AGPAT4: variants seen among roughly 807,000 people sequenced by gnomAD.
AGPAT4 encodes the protein 1-acylglycerol-3-phosphate O-acyltransferase 4.
AGPAT4 carries 15 observed loss-of-function variants against 48.0 expected under a neutral mutation model. The observed-to-expected ratio is 0.31, with a 90% CI of 0.21 to 0.48. AGPAT4 has a LOEUF of 0.48. Among genes scored for constraint, AGPAT4 ranks in the 20% least tolerant of loss-of-function variants. The probability of loss-of-function intolerance (pLI) is 0.99; values close to 1 mark genes in which losing one functional copy is unlikely to be tolerated. For missense variants in AGPAT4, 314 were observed against 482.5 expected, an observed-to-expected ratio of 0.65 and a Z score of 3.27; for synonymous variants, 178 against 198.7, an observed-to-expected ratio of 0.90 and a Z score of 0.88.
At position 161,148,090 on chromosome 6, in the gene AGPAT4, C is replaced by G. The variant is rs1197928770; in HGVS notation, c.767+1097G>C. ...CACATCTTGGGGTTTTCCCAAATAACTGAGCCCAGCTGGCCATTGAGTGGA... is the reference window on the plus strand; with the variant it reads ...CACATCTTGGGGTTTTCCCAAATAAGTGAGCCCAGCTGGCCATTGAGTGGA... On this transcript the variant is annotated intron_variant, in intron 6 of 8. Coordinates refer to ENST00000320285, the MANE Select transcript of AGPAT4 (RefSeq NM_020133.3). This position sits in a 1 kb window ranked among gnomAD's most constrained non-coding sequence, Gnocchi z 5.5. 3.9e-5 allele frequency among the ~76,000 whole-genome samples: 6 copies of G among 152,196 alleles called. No individual in the cohort carries two copies. The highest frequency in any genetic ancestry group is 6.5e-5 in the Admixed American group (1 of 15,286).
Position 161,184,213 on chromosome 6 carries a change from C to A in AGPAT4, c.179-17796G>T, listed in dbSNP as rs1194206437. Among the ~76,000 whole-genome samples, 1 of 151,372 alleles carries A rather than the reference C, an allele frequency of 6.6e-6. No individual in the cohort carries two copies. Among genetic ancestry groups the A allele is most frequent in the Non-Finnish European group, 1.5e-5 (1 of 67,890 alleles). On this transcript the variant is annotated intron_variant, in intron 2 of 8. Coordinates refer to ENST00000320285, the MANE Select transcript of AGPAT4 (RefSeq NM_020133.3). The surrounding 1 kb of genome is among the most constrained non-coding windows in gnomAD (Gnocchi z 4.8). ...TGTTGAAGCAGGCTACTGCAGTCAG[C>A]CCAACAGGGGTGGTGGGCTCGGTGG... is the stretch of plus-strand genomic sequence containing the variant.
Position 161,261,586 on chromosome 6 carries a change from G to A in AGPAT4, c.-90+12352C>T, listed in dbSNP as rs1294030902. Reference sequence around the variant, plus strand: ...AGCTGCTACCCTGAGACCGGGTAAGGCATCATCATTAACAAAGCCAACGGA... The same window carrying A: ...AGCTGCTACCCTGAGACCGGGTAAGACATCATCATTAACAAAGCCAACGGA... On this transcript the variant is annotated intron_variant, in intron 1 of 8. Coordinates refer to ENST00000320285, the MANE Select transcript of AGPAT4 (RefSeq NM_020133.3). This position sits in a 1 kb window ranked among gnomAD's most constrained non-coding sequence, Gnocchi z 5.3. 1.3e-5 allele frequency among the ~76,000 whole-genome samples: 2 copies of A among 152,188 alleles called. No individual in the cohort carries two copies. The highest frequency in any genetic ancestry group is 4.8e-5 in the African/African-American group (2 of 41,440).
At chr6:161,145,943 A>ACTC (rs1291569814) in intron 7 of AGPAT4, among the ~76,000 whole-genome samples, 1 of 151,636 alleles carries the variant, frequency 6.6e-6, no homozygotes, top group African/African-American at 2.4e-5. Flanking sequence ...TAGTTATGAG[A>ACTC]CTCCCTTCCT....
In AGPAT4 at chr6:161,259,997, G is replaced by T. The variant is rs1470683815; in HGVS notation, c.-90+13941C>A. On this transcript the variant is annotated intron_variant, in intron 1 of 8. Coordinates refer to ENST00000320285, the MANE Select transcript of AGPAT4 (RefSeq NM_020133.3). The surrounding 1 kb of genome is among the most constrained non-coding windows in gnomAD (Gnocchi z 4.9). Reference sequence around the variant, plus strand: ...TTCACCTGGCGCTATACGTGTTTGGGGCTGGGGAGTCTCTGGAAGTGAACT... The same window carrying T: ...TTCACCTGGCGCTATACGTGTTTGGTGCTGGGGAGTCTCTGGAAGTGAACT... Among the ~76,000 whole-genome samples the T allele has an allele frequency of 6.6e-6, 1 of 152,084 alleles. No individual in the cohort carries two copies.
chr6:161,273,987 A>G lies in AGPAT4; in HGVS notation c.-139T>C, dbSNP rs1222944692. ...ATGGACTTAGAAACCAGAAGCTGAG[A>G]TGGAGCCGGCTGGGTTCAGAAATTG... On this transcript the variant is annotated 5_prime_UTR_variant, in exon 1 of 9. Transcript: ENST00000320285. The G allele has an allele frequency of 6.6e-6, 1 of 151,914 alleles. No individual in the cohort carries two copies. The highest frequency in any genetic ancestry group is 6.6e-5 in the Admixed American group (1 of 15,238). 9.4% of individuals were successfully genotyped at this position (151,914 alleles called of 1,614,324 possible). A position where few individuals can be genotyped will look rare whatever the true frequency, so the allele number is the denominator to read the frequency against.
In AGPAT4 at chr6:161,232,479, G is replaced by A. The variant is rs1381468870; in HGVS notation, c.-89-177C>T. Among the ~76,000 whole-genome samples, 1 of 152,194 alleles carries A rather than the reference G, an allele frequency of 6.6e-6. No homozygotes were observed. The highest frequency in any genetic ancestry group is 2.4e-5 in the African/African-American group (1 of 41,442). ...TTACTTCCTGTCGAGCATAGTCTAA[G>A]CCCTTTAACAATAATCCTTCCTTTA... On this transcript the variant is annotated intron_variant, in intron 1 of 8. Coordinates refer to ENST00000320285, the MANE Select transcript of AGPAT4 (RefSeq NM_020133.3). The surrounding 1 kb of genome is among the most constrained non-coding windows in gnomAD (Gnocchi z 6.8).
rs1244948073 is a variant in AGPAT4, at chr6:161,138,946, G to C, written c.1042+476C>G. Among the ~76,000 whole-genome samples, 1 of 152,102 alleles carries C rather than the reference G, an allele frequency of 6.6e-6. No homozygotes were observed. Among genetic ancestry groups the C allele is most frequent in the Non-Finnish European group, 1.5e-5 (1 of 68,024 alleles). ...TGGAGCCAGCGCAGACCCATGAAAA[G>C]CTCTGTCGCCGAGTGTCTCCACTCA... On this transcript the variant is annotated intron_variant, in intron 8 of 8. Coordinates refer to ENST00000320285, the MANE Select transcript of AGPAT4 (RefSeq NM_020133.3). The surrounding 1 kb of genome is among the most constrained non-coding windows in gnomAD (Gnocchi z 4.8).
rs369132250 is a variant in AGPAT4 at position 161,247,650 on chromosome 6, A to G, written c.-89-15348T>C. Among the ~76,000 whole-genome samples, 444 of 152,282 alleles carry G rather than the reference A, an allele frequency of 2.9e-3. 2 individuals carry two copies. Among genetic ancestry groups the G allele is most frequent in the African/African-American group, 0.01 (421 of 41,550 alleles). On this transcript the variant is annotated intron_variant, in intron 1 of 8. Coordinates refer to ENST00000320285, the MANE Select transcript of AGPAT4 (RefSeq NM_020133.3). Reference sequence around the variant, plus strand: ...CATTCCCCCTGAAAACTGGCACAAAACAAGGATGCCCTCTCTCACCACGCC... The same window carrying G: ...CATTCCCCCTGAAAACTGGCACAAAGCAAGGATGCCCTCTCTCACCACGCC...
rs1778984462 is a variant in AGPAT4, at chr6:161,133,986, T to C, written c.*2554A>G. ...CGTGTGACCTGAACATGGGTGAAGG[T>C]ATTTGAGGAGGCGTGATGAGCTTCC... On this transcript the variant is annotated 3_prime_UTR_variant, in exon 9 of 9. Transcript: ENST00000320285. 2 of 152,156 alleles carry C rather than the reference T, an allele frequency of 1.3e-5. No individual in the cohort carries two copies. The highest frequency in any genetic ancestry group is 4.8e-5 in the African/African-American group (2 of 41,408). The allele number at this position is 152,156 out of a possible 1,614,324, so 9.4% of individuals were successfully genotyped here. A position where few individuals can be genotyped will look rare whatever the true frequency, so the allele number is the denominator to read the frequency against.
At position 161,135,501 on chromosome 6, in the gene AGPAT4, C is replaced by A. The variant is rs1352245441; in HGVS notation, c.*1039G>T. 13 of 152,302 alleles carry A rather than the reference C, an allele frequency of 8.5e-5. No individual in the cohort carries two copies. The highest frequency in any genetic ancestry group is 3.1e-4 in the African/African-American group (13 of 41,444). The allele number at this position is 152,302 out of a possible 1,614,324, so 9.4% of individuals were successfully genotyped here. A position where few individuals can be genotyped will look rare whatever the true frequency, so the allele number is the denominator to read the frequency against. On this transcript the variant is annotated 3_prime_UTR_variant, in exon 9 of 9. Transcript: ENST00000320285. ...AGGAGCCCGGAAGGAAGGCAGAAGC[C>A]TGGGGGTTTTTTGTACATGGGATGT...
In AGPAT4 at chr6:161,272,041, C is replaced by T. The variant is rs995182239; in HGVS notation, c.-90+1897G>A. ...TAGTAATACTTTTCTGTGTGTTATG[C>T]CCTTTAAATAGTTCTCGTCTTTAAC... On this transcript the variant is annotated intron_variant, in intron 1 of 8. Transcript: ENST00000320285. This position sits in a 1 kb window ranked among gnomAD's most constrained non-coding sequence, Gnocchi z 4.2. Among the ~76,000 whole-genome samples the T allele has an allele frequency of 2.6e-4, 40 of 152,134 alleles. No individual in the cohort carries two copies. The highest frequency in any genetic ancestry group is 2.9e-5 in the Non-Finnish European group (2 of 68,030).
chr6:161,203,663 G>A (rs1457590383), intron 2 of AGPAT4, among the ~76,000 whole-genome samples: 2 of 152,096 alleles, frequency 1.3e-5, no homozygotes, highest in Non-Finnish European at 2.9e-5. Flanking sequence ...CTCCCAAAGT[G>A]CTGGGATTAC....
In AGPAT4 at chr6:161,134,678, G is replaced by A. The variant is rs999664148; in HGVS notation, c.*1862C>T. On this transcript the variant is annotated 3_prime_UTR_variant, in exon 9 of 9. Coordinates refer to ENST00000320285, the MANE Select transcript of AGPAT4 (RefSeq NM_020133.3). ...GTAACTCAGCATCACGGACCCCTCC[G>A]AGAGACTGGCCCGATAATCCAGGCG... 1 of 152,180 alleles carries A rather than the reference G, an allele frequency of 6.6e-6. No individual in the cohort carries two copies. The highest frequency in any genetic ancestry group is 6.5e-5 in the Admixed American group (1 of 15,278). 9.4% of individuals were successfully genotyped at this position (152,180 alleles called of 1,614,324 possible). A position where few individuals can be genotyped will look rare whatever the true frequency, so the allele number is the denominator to read the frequency against.
In AGPAT4 at chr6:161,149,547, T is replaced by C. The variant is rs1779529041; in HGVS notation, c.665-258A>G. 3.9e-5 allele frequency among the ~76,000 whole-genome samples: 6 copies of C among 152,056 alleles called. No individual in the cohort carries two copies. ...AGTCAGATCATTTTTTTCTTTTCTT[T>C]CTTTTCTTTTTTTTTGGAGATGGAG... On this transcript the variant is annotated intron_variant, in intron 5 of 8. Transcript: ENST00000320285. The surrounding 1 kb of genome is among the most constrained non-coding windows in gnomAD (Gnocchi z 6.5).
In AGPAT4 at chr6:161,233,408, G is replaced by A. The variant is rs575936081; in HGVS notation, c.-89-1106C>T. On this transcript the variant is annotated intron_variant, in intron 1 of 8. Coordinates refer to ENST00000320285, the MANE Select transcript of AGPAT4 (RefSeq NM_020133.3). The surrounding 1 kb of genome is among the most constrained non-coding windows in gnomAD (Gnocchi z 5.4). The stretch of plus-strand genomic sequence containing the variant: ...ACCCCAGGAAGACGTCTAATGTTAC[G>A]ACAAACTTTCTAACAATAATAGTTG... Among the ~76,000 whole-genome samples, 24 of 152,278 alleles carry A rather than the reference G, an allele frequency of 1.6e-4. No individual in the cohort carries two copies. The highest frequency in any genetic ancestry group is 2.6e-4 in the Admixed American group (4 of 15,282).
In AGPAT4 at chr6:161,259,686, C is replaced by T. The variant is rs890611519; in HGVS notation, c.-90+14252G>A. Among the ~76,000 whole-genome samples the T allele has an allele frequency of 1.3e-5, 2 of 152,088 alleles. No homozygotes were observed. The highest frequency in any genetic ancestry group is 4.8e-5 in the African/African-American group (2 of 41,430). ...CCCCAACTGTGGGGTCCCAGGTCAC[C>T]GCACAGTTCACATGCCCAGGAGGAC... is the stretch of plus-strand genomic sequence containing the variant. On this transcript the variant is annotated intron_variant, in intron 1 of 8. Transcript: ENST00000320285. The surrounding 1 kb of genome is among the most constrained non-coding windows in gnomAD (Gnocchi z 4.9).
Position 161,221,469 on chromosome 6 carries a change from T to C in AGPAT4, c.178+10567A>G, listed in dbSNP as rs554636093. Reference sequence around the variant, plus strand: ...AAAATAAAGGTAGGGGTGGGAGAGATAGAAAGGAGAAAAAGGGAGAGGAGA... The same window carrying C: ...AAAATAAAGGTAGGGGTGGGAGAGACAGAAAGGAGAAAAAGGGAGAGGAGA... On this transcript the variant is annotated intron_variant, in intron 2 of 8. Coordinates refer to ENST00000320285, the MANE Select transcript of AGPAT4 (RefSeq NM_020133.3). This position sits in a 1 kb window ranked among gnomAD's most constrained non-coding sequence, Gnocchi z 4.5. Among the ~76,000 whole-genome samples the C allele has an allele frequency of 3.9e-5, 6 of 152,134 alleles. No individual in the cohort carries two copies. Among genetic ancestry groups the C allele is most frequent in the South Asian group, 2.1e-4 (1 of 4,808 alleles).
chr6:161,131,705 TAGC>T lies in AGPAT4; in HGVS notation c.*4832_*4834del, dbSNP rs1424600494. The T allele has an allele frequency of 1.3e-5, 2 of 152,220 alleles. No homozygotes were observed. The highest frequency in any genetic ancestry group is 2.4e-5 in the African/African-American group (1 of 41,456). The allele number at this position is 152,220 out of a possible 1,614,324, so 9.4% of individuals were successfully genotyped here. On this transcript the variant is annotated 3_prime_UTR_variant, in exon 9 of 9. Coordinates refer to ENST00000320285, the MANE Select transcript of AGPAT4 (RefSeq NM_020133.3). Reference sequence around the variant, plus strand: ...CTGATTTCTTAGTTTTTGACCAAAATAGCAGTAATTTCAAACAGTTGAATGTCG... The same window carrying T: ...CTGATTTCTTAGTTTTTGACCAAAATAGTAATTTCAAACAGTTGAATGTCG...
rs138030621 is a variant in AGPAT4 at position 161,220,364 on chromosome 6, T to C, written c.178+11672A>G. Among the ~76,000 whole-genome samples, 368 of 152,298 alleles carry C rather than the reference T, an allele frequency of 2.4e-3. No homozygotes were observed. The highest frequency in any genetic ancestry group is 8.4e-3 in the African/African-American group (350 of 41,556). Reference sequence around the variant, plus strand: ...CTAAATAAAATCATTTCACTAGGAATTGGGCCAGAGTGTAACAGTAACTAT... The same window carrying C: ...CTAAATAAAATCATTTCACTAGGAACTGGGCCAGAGTGTAACAGTAACTAT... On this transcript the variant is annotated intron_variant, in intron 2 of 8. Coordinates refer to ENST00000320285, the MANE Select transcript of AGPAT4 (RefSeq NM_020133.3). The surrounding 1 kb of genome is among the most constrained non-coding windows in gnomAD (Gnocchi z 6.0).
Sources: gnomAD v4.1 joint callset for allele counts (sites outside exome capture counted in the v4.1 genomes callset) on GRCh38, gnomAD v4.1.1 for gene constraint, Gnocchi (gnomAD v3.1) non-coding constraint, MANE v1.5 for transcripts, NCBI Gene and HGNC (gene_info 2026-07-23, HGNC 2026-07-21) for gene names.